The following SUPT3H variants were observed in gnomAD, a reference collection of about 807,000 sequenced individuals.
SUPT3H encodes the protein SPT3 homolog, SAGA and STAGA complex component.
Under a neutral mutation model 44.3 loss-of-function variants are expected in SUPT3H, and 44 were observed. The observed-to-expected ratio is 0.99, with a 90% CI of 0.78 to 1.28. The LOEUF is 1.28. Ranked by LOEUF, SUPT3H falls within the 50% of genes most tolerant of loss-of-function variation. SUPT3H has a pLI of 0.00. For missense variants in SUPT3H, 380 were observed against 387.1 expected (o/e 0.98, Z 0.15); for synonymous variants, 124 against 125.6 (o/e 0.99, Z 0.09).
chr6:44,929,590 T>A (rs1410628589), intron 10 of SUPT3H, among the ~76,000 whole-genome samples: 1 of 152,198 alleles, frequency 6.6e-6, no homozygotes, highest in Non-Finnish European at 1.5e-5. Flanking sequence ...TAGGTGTCAA[T>A]CTATGATTAC....
At chr6:45,284,285 G>GA (rs1584694858) in intron 2 of SUPT3H, among the ~76,000 whole-genome samples, 1 of 151,418 alleles carries the variant, frequency 6.6e-6, no homozygotes, top group East Asian at 2.0e-4. Context: ...AAACCCTTCA[G>GA]AAAATCAGTG....
intron 2 of SUPT3H, among the ~76,000 whole-genome samples, chr6:45,291,063 A>G (rs1419161829): frequency 1.3e-5 from 2 of 152,128 alleles, no homozygotes; most frequent in Non-Finnish European, 2.9e-5. Flanking sequence ...GACCCTGGAG[A>G]CACCCCAAAT....
At chr6:45,372,464 G>A (rs1043360646) in intron 1 of SUPT3H, among the ~76,000 whole-genome samples, 1 of 152,206 alleles carries the variant, frequency 6.6e-6, no homozygotes, top group South Asian at 2.1e-4. Context: ...TATGAATAAA[G>A]TGAAATATAC....
Position 44,816,031 on chromosome 6 carries a change from G to A in SUPT3H, c.*53-6530C>T, listed in dbSNP as rs532609164. ...AAGGAACTGAAATCATACAAAGTATGTATTATAAAATTAAACTAAAATTTA... is the reference window on the plus strand; with the variant it reads ...AAGGAACTGAAATCATACAAAGTATATATTATAAAATTAAACTAAAATTTA... On this transcript the variant is annotated intron_variant and NMD_transcript_variant, in intron 11 of 11. Coordinates refer to the SUPT3H transcript ENST00000475057. 2.0e-4 allele frequency among the ~76,000 whole-genome samples: 30 copies of A among 152,172 alleles called. No individual in the cohort carries two copies. The South Asian group carries it at 6.0e-3, about 31-fold the overall frequency.
intron 10 of SUPT3H, among the ~76,000 whole-genome samples, chr6:44,904,429 A>C (rs1308996929): frequency 4.6e-5 from 7 of 152,322 alleles, no homozygotes; most frequent in Middle Eastern, 3.4e-3. Context: ...ATTGCTTCAA[A>C]GAGAATAAAA....
chr6:45,344,092 C>T (rs1009294364), intron 2 of SUPT3H, among the ~76,000 whole-genome samples: 1 of 152,058 alleles, frequency 6.6e-6, no homozygotes, highest in African/African-American at 2.4e-5. Flanking sequence ...AACTAAAGAG[C>T]AATTCAAATT....
intron 10 of SUPT3H, among the ~76,000 whole-genome samples, chr6:44,881,423 C>T (rs1561949123): frequency 6.6e-6 from 1 of 152,022 alleles, no homozygotes; most frequent in Non-Finnish European, 1.5e-5. Context: ...ACTTAGACTC[C>T]CACACAATAA....
intron 2 of SUPT3H, among the ~76,000 whole-genome samples, chr6:45,258,974 T>C (rs967860374): frequency 6.6e-6 from 1 of 152,160 alleles, no homozygotes; most frequent in Non-Finnish European, 1.5e-5. Context: ...TTTAAAATAA[T>C]TTCAAGTACT....
chr6:45,176,800 C>A (rs1276000806), intron 2 of SUPT3H, among the ~76,000 whole-genome samples: 2 of 152,178 alleles, frequency 1.3e-5, no homozygotes, highest in African/African-American at 4.8e-5. Flanking sequence ...AGGAGGCACC[C>A]CCAGCAGGGG....
At chr6:44,901,865 T>C (rs577447611) in intron 10 of SUPT3H, among the ~76,000 whole-genome samples, 2 of 152,334 alleles carry the variant, frequency 1.3e-5, no homozygotes, top group South Asian at 2.1e-4. Flanking sequence ...TGGGGGCTAA[T>C]ATTCAACATT....
chr6:44,947,672 A>C (rs1016790590), intron 9 of SUPT3H, among the ~76,000 whole-genome samples: 42 of 152,210 alleles, frequency 2.8e-4, no homozygotes, highest in African/African-American at 1.0e-3. Flanking sequence ...GAAGACTTAC[A>C]TTATAATCAA....
intron 3 of SUPT3H, among the ~76,000 whole-genome samples, chr6:45,100,761 T>C (rs1451713673): frequency 6.6e-6 from 1 of 152,076 alleles, no homozygotes; most frequent in Non-Finnish European, 1.5e-5. Context: ...CACTTTTGAT[T>C]GAAATGTAAA....
At chr6:45,243,325 TAC>T (rs1770739341) in intron 2 of SUPT3H, among the ~76,000 whole-genome samples, 1 of 146,436 alleles carries the variant, frequency 6.8e-6, no homozygotes, top group African/African-American at 2.6e-5. Flanking sequence ...AAAAAATATA[TAC>T]AAAGTGAAAA....
intron 10 of SUPT3H, among the ~76,000 whole-genome samples, chr6:44,926,501 A>G (rs889443485): frequency 6.6e-6 from 1 of 152,180 alleles, no homozygotes; most frequent in Non-Finnish European, 1.5e-5. Context: ...ATTTATTCAC[A>G]TAAGTTAGTA....
intron 2 of SUPT3H, among the ~76,000 whole-genome samples, chr6:45,323,222 C>T (rs1479555390): frequency 6.6e-6 from 1 of 152,086 alleles, no homozygotes; most frequent in Non-Finnish European, 1.5e-5. Context: ...CTATTATGTT[C>T]GGTTAAACCT....
At chr6:45,274,597 T>C (rs1437480491) in intron 2 of SUPT3H, among the ~76,000 whole-genome samples, 1 of 152,202 alleles carries the variant, frequency 6.6e-6, no homozygotes, top group African/African-American at 2.4e-5. Context: ...AATCAGTTGA[T>C]TAGCTGGGAA....
chr6:45,251,395 G>GCACACACACA (rs70996313), intron 2 of SUPT3H, among the ~76,000 whole-genome samples: 44 of 144,970 alleles, frequency 3.0e-4, no homozygotes, highest in African/African-American at 7.1e-4. Context: ...AAGAGAAGCT[G>GCACACACACA]CACACACACA....
chr6:45,214,500 A>G (rs1764709900), intron 2 of SUPT3H, among the ~76,000 whole-genome samples: 1 of 152,206 alleles, frequency 6.6e-6, no homozygotes, highest in Non-Finnish European at 1.5e-5. Flanking sequence ...TTCATGTAAA[A>G]CACTGAAAAT....
intron 2 of SUPT3H, among the ~76,000 whole-genome samples, chr6:45,191,440 C>T (rs6919813): frequency 0.22 from 33,471 of 151,864 alleles, 4,488 homozygotes; most frequent in Non-Finnish European, 0.31. Context: ...GTGGAGCACG[C>T]GGGATTTTTA....
Sources: gnomAD v4.1 joint callset for allele counts (sites outside exome capture counted in the v4.1 genomes callset) on GRCh38, gnomAD v4.1.1 for gene constraint, MANE v1.5 for transcripts, NCBI Gene and HGNC (gene_info 2026-07-23, HGNC 2026-07-21) for gene names.